ATRX: variants seen among roughly 807,000 people sequenced by gnomAD.
ATRX encodes the protein ATRX chromatin remodeler, also known as chromatin remodeler ATRX.
ATRX carries 12 observed loss-of-function variants against 172.6 expected under a neutral mutation model. The ratio of observed to expected loss-of-function variants is 0.07; its 90% CI spans 0.04 to 0.11. The LOEUF (loss-of-function observed/expected upper bound fraction) is 0.11. ATRX is among the 10% of genes least tolerant of loss of function. ATRX has a pLI of 1.00. For synonymous variants in ATRX, 674 were observed against 594.7 expected, an observed-to-expected ratio of 1.13 and a Z score of -1.94; for missense variants, 1,368 against 1,767.4, an observed-to-expected ratio of 0.77 and a Z score of 4.05.
intron 28 of ATRX, among the ~76,000 whole-genome samples, chrX:77,562,909 C>T (rs1019916706): frequency 2.7e-5 from 3 of 112,053 alleles, no homozygotes; most frequent in African/African-American, 9.7e-5. Context: ...ACATGCATAG[C>T]CTTCTTCAGA....
intron 1 of ATRX, among the ~76,000 whole-genome samples, chrX:77,774,844 G>A (rs1404714713): frequency 9.0e-6 from 1 of 111,005 alleles, no homozygotes; most frequent in Admixed American, 9.7e-5. Context: ...CTGAGTAGCT[G>A]GGACTCCAGG....
intron 1 of ATRX, among the ~76,000 whole-genome samples, chrX:77,733,905 A>T (rs2074415833): frequency 9.7e-6 from 1 of 102,868 alleles, no homozygotes; most frequent in African/African-American, 3.6e-5. Context: ...TAAAATAAAT[A>T]AAATAAAAGG....
At chrX:77,758,905 T>G (rs1393250610) in intron 1 of ATRX, among the ~76,000 whole-genome samples, 4 of 112,309 alleles carry the variant, frequency 3.6e-5, no homozygotes, top group African/African-American at 1.3e-4. Context: ...AGCACAGTAT[T>G]CCATGACGTA....
chrX:77,652,448 G>A (rs1603086063), intron 14 of ATRX, 95 bp from the exon 15 acceptor site: 3 of 772,670 alleles, frequency 3.9e-6, no homozygotes, highest in East Asian at 5.7e-5. Flanking sequence ...AAAGGTGGAA[G>A]AAAACATGCT....
chrX:77,625,314 C>G (rs1021293434), intron 19 of ATRX, among the ~76,000 whole-genome samples: 29 of 112,229 alleles, frequency 2.6e-4, no homozygotes, highest in African/African-American at 9.1e-4. Flanking sequence ...TTGGAAAAAC[C>G]CTTCTAGACA....
In ATRX at chrX:77,505,004, A is replaced by T. The variant is rs2062684153; in HGVS notation, c.*3347T>A. The T allele has an allele frequency of 6.0e-6, 1 of 166,661 alleles. No individual in the cohort carries two copies. Among genetic ancestry groups the T allele is most frequent in the Non-Finnish European group, 1.2e-5 (1 of 86,723 alleles). 13.7% of individuals were successfully genotyped at this position (166,661 alleles called of 1,213,427 possible). A position where few individuals can be genotyped will look rare whatever the true frequency, so the allele number is the denominator to read the frequency against. ...GCTCAGATTATAGACTTGAAAAAAA[A>T]TAACGGTAGAAAAATGTTTATTCTC... On this transcript the variant is annotated 3_prime_UTR_variant, in exon 35 of 35. Coordinates refer to ENST00000373344, the MANE Select transcript of ATRX (RefSeq NM_000489.6).
intron 28 of ATRX, among the ~76,000 whole-genome samples, chrX:77,563,884 T>C: frequency 9.1e-6 from 1 of 110,186 alleles, no homozygotes; most frequent in Non-Finnish European, 1.9e-5. Context: ...GGTAGGGTTG[T>C]GGGTGGGGGC....
chrX:77,544,778 T>C (rs944462333), intron 30 of ATRX, among the ~76,000 whole-genome samples: 2 of 111,067 alleles, frequency 1.8e-5, no homozygotes, highest in Non-Finnish European at 3.8e-5. Context: ...TAGTATTCCA[T>C]GGTGTATATG....
chrX:77,755,168 G>GT (rs1569545447), intron 1 of ATRX, among the ~76,000 whole-genome samples: 1 of 112,537 alleles, frequency 8.9e-6, no homozygotes, highest in Non-Finnish European at 1.9e-5. Context: ...TTCTTGTGCT[G>GT]TGTTTTTCAG....
intron 34 of ATRX, among the ~76,000 whole-genome samples, chrX:77,509,397 T>G (rs963752651): frequency 4.5e-5 from 5 of 112,022 alleles, no homozygotes; most frequent in Admixed American, 2.8e-4. Flanking sequence ...AAGCCTCCAC[T>G]GATCGTCCTC....
chrX:77,721,295 C>T (rs2073753450), intron 1 of ATRX, among the ~76,000 whole-genome samples: 1 of 111,803 alleles, frequency 8.9e-6, no homozygotes, highest in Admixed American at 9.6e-5. Flanking sequence ...CTCACCACTC[C>T]TATTCAACAC....
In ATRX at chrX:77,735,796, C is replaced by T. The variant is rs781926164; in HGVS notation, c.21-18553G>A. ...CAGCCTGGGTGACAGAGCAAGACTC[C>T]GTCTCAAAAAACTAAATAAATAAAT... On this transcript the variant is annotated intron_variant, in intron 1 of 34. Transcript: ENST00000373344. 4.0e-3 allele frequency among the ~76,000 whole-genome samples: 324 copies of T among 80,394 alleles called. 1 individual carries two copies. Among genetic ancestry groups the T allele is most frequent in the Middle Eastern group, 0.013 (2 of 150 alleles). 69.8% of individuals were successfully genotyped at this position (80,394 alleles called of 115,157 possible). A position where few individuals can be genotyped will look rare whatever the true frequency, so the allele number is the denominator to read the frequency against.
At chrX:77,552,962 A>ATTC (rs1557057166) in intron 30 of ATRX, among the ~76,000 whole-genome samples, 1 of 111,894 alleles carries the variant, frequency 8.9e-6, no homozygotes, top group Non-Finnish European at 1.9e-5. Flanking sequence ...AGCAATTGAA[A>ATTC]GGATGAAAAT....
At chrX:77,719,317 T>C (rs1211704847) in intron 1 of ATRX, among the ~76,000 whole-genome samples, 1 of 111,543 alleles carries the variant, frequency 9.0e-6, no homozygotes, top group Non-Finnish European at 1.9e-5. Flanking sequence ...CAAAAGAATA[T>C]ATACCAATGG....
chrX:77,525,502 A>G (rs782579282), intron 30 of ATRX, among the ~76,000 whole-genome samples: 1 of 112,647 alleles, frequency 8.9e-6, no homozygotes, highest in South Asian at 3.7e-4. Flanking sequence ...ACAACACACC[A>G]AATAAATTAC....
intron 27 of ATRX, 25 bp downstream of exon 27, chrX:77,589,809 C>T (rs375474384): frequency 3.3e-5 from 38 of 1,139,926 alleles, no homozygotes; most frequent in African/African-American, 1.6e-4. Flanking sequence ...TTTAAAATTA[C>T]GACACAGAAA....
chrX:77,691,642 A>G (rs2071895004), intron 6 of ATRX, among the ~76,000 whole-genome samples: 1 of 111,578 alleles, frequency 9.0e-6, no homozygotes, highest in African/African-American at 3.3e-5. Flanking sequence ...TCAATATAAG[A>G]CTTTATATAT....
At chrX:77,718,397 G>A (rs782498210) in intron 1 of ATRX, among the ~76,000 whole-genome samples, 10 of 100,309 alleles carry the variant, frequency 1.0e-4, no homozygotes, top group Non-Finnish European at 1.8e-4. Flanking sequence ...TTTAAAAGAC[G>A]GAGTCTTGCT....
intron 23 of ATRX, 94 bp from the exon 24 acceptor site, chrX:77,599,914 C>A: frequency 4.1e-6 from 3 of 725,412 alleles, no homozygotes; most frequent in Non-Finnish European, 6.4e-6. Context: ...TTAATTGGCA[C>A]GAGCTGAGGA....
Sources: gnomAD v4.1 joint callset for allele counts (sites outside exome capture counted in the v4.1 genomes callset) on GRCh38, gnomAD v4.1.1 for gene constraint, MANE v1.5 for transcripts, NCBI Gene and HGNC (gene_info 2026-07-23, HGNC 2026-07-21) for gene names.